MAPK6: variants seen among roughly 807,000 people sequenced by gnomAD.
The protein encoded by MAPK6 is mitogen-activated protein kinase 6, also known as ERK-3.
A neutral mutation model predicts 59.3 loss-of-function variants in MAPK6; 19 were observed. The observed-to-expected ratio is 0.32, with a 90% CI of 0.22 to 0.47. The LOEUF is 0.47. Ranked by LOEUF, MAPK6 falls within the 20% of genes least tolerant of loss-of-function variation. The pLI, the probability that MAPK6 is intolerant of heterozygous loss-of-function variation, is 1.00. For missense variants in MAPK6, 724 were observed against 847.9 expected, an observed-to-expected ratio of 0.85 and a Z score of 1.81; for synonymous variants, 316 against 290.3, an observed-to-expected ratio of 1.09 and a Z score of -0.90.
At chr15:51,976,169 G>C (rs745904724) in intron 1 of MAPK6, among the ~76,000 whole-genome samples, 1 of 151,130 alleles carries the variant, frequency 6.6e-6, no homozygotes, top group Non-Finnish European at 1.5e-5. Context: ...GGGAGGCTGA[G>C]GCAGAAGAAT....
intron 3 of MAPK6, among the ~76,000 whole-genome samples, chr15:52,052,910 AGT>A (rs1347299292): frequency 1.3e-5 from 2 of 152,162 alleles, no homozygotes; most frequent in Non-Finnish European, 2.9e-5. Context: ...TATACCTAGG[AGT>A]GGAATTGCTG....
In MAPK6 at chr15:52,046,484, C is replaced by T. The variant is rs776077924; in HGVS notation, c.24C>T (p.Leu8=). 6.2e-6 allele frequency: 10 copies of T among 1,606,346 alleles called. No individual in the cohort carries two copies. The highest frequency in any genetic ancestry group is 5.6e-5 in the South Asian group (5 of 89,546). Residue 8 remains leucine, a synonymous_variant, in exon 2 of 6, where the codon CTC becomes CTT. Coordinates refer to ENST00000261845, the MANE Select transcript of MAPK6 (RefSeq NM_002748.4). The stretch of plus-strand genomic sequence containing the variant: ...AAATGGCAGAGAAATTTGAAAGTCT[C>T]ATGAACATTCATGGTTTTGATCTGG... The part of the protein sequence containing the change: MAEKFES[L]MNIHGFDLGS...
intron 2 of MAPK6, among the ~76,000 whole-genome samples, chr15:52,048,738 G>A (rs947239067): frequency 1.3e-5 from 2 of 152,172 alleles, no homozygotes; most frequent in African/African-American, 4.8e-5. Flanking sequence ...AGACCAACCT[G>A]CGCAGTGGCT....
At chr15:52,007,969 C>A (rs2029947611) in intron 3 of MAPK6, among the ~76,000 whole-genome samples, 1 of 151,890 alleles carries the variant, frequency 6.6e-6, no homozygotes, top group Non-Finnish European at 1.5e-5. Context: ...GCCTCAGCCT[C>A]CAAAGTAGCT....
chr15:51,997,312 C>T (rs553500148), intron 2 of MAPK6, among the ~76,000 whole-genome samples: 1 of 149,288 alleles, frequency 6.7e-6, no homozygotes, highest in South Asian at 2.1e-4. Context: ...TGCTTTGTCA[C>T]CTAGGATGGA....
chr15:52,054,520 T>C (rs535254383), intron 3 of MAPK6, among the ~76,000 whole-genome samples: 3 of 152,302 alleles, frequency 2.0e-5, no homozygotes, highest in South Asian at 4.1e-4. Flanking sequence ...ATGTAAAATA[T>C]CTTTTTGTGA....
At chr15:52,020,070 C>T (rs2030459563) in intron 1 of MAPK6, 1 of 152,308 alleles carries the variant, frequency 6.6e-6, no homozygotes, top group Non-Finnish European at 1.5e-5. Context: ...TAATTTCCTC[C>T]CTCGGCCCTA....
At chr15:51,988,103 TGAA>T (rs1258834048) in intron 2 of MAPK6, among the ~76,000 whole-genome samples, 2 of 152,070 alleles carry the variant, frequency 1.3e-5, no homozygotes, top group African/African-American at 4.8e-5. Flanking sequence ...TGTGTAAGGA[TGAA>T]GTTTATGTTT....
chr15:52,023,786 A>AT lies in MAPK6; in HGVS notation c.-632+4418dup, dbSNP rs981104279. On this transcript the variant is annotated intron_variant, in intron 1 of 5. Transcript: ENST00000261845. ...ACCACCATGACCAGCTAATTTTTGT[A>AT]TTTTTTTTAGTACAGACAGGGTTTC... Among the ~76,000 whole-genome samples the AT allele has an allele frequency of 1.6e-3, 236 of 151,742 alleles. 2 individuals carry two copies. The highest frequency in any genetic ancestry group is 4.6e-3 in the African/African-American group (189 of 41,388).
At chr15:52,035,623 T>C (rs1329990130) in intron 1 of MAPK6, 1 of 126,750 alleles carries the variant, frequency 7.9e-6, no homozygotes, top group Non-Finnish European at 1.7e-5. Flanking sequence ...GACACCATCT[T>C]AAAAAAAAAA....
At chr15:52,025,204 G>C (rs1447461407) in intron 1 of MAPK6, among the ~76,000 whole-genome samples, 1 of 152,024 alleles carries the variant, frequency 6.6e-6, no homozygotes, top group Non-Finnish European at 1.5e-5. Flanking sequence ...TCGCACCGCA[G>C]CGTTCCAGCC....
At chr15:51,999,303 T>C (rs1246244902) in intron 2 of MAPK6, among the ~76,000 whole-genome samples, 1 of 152,128 alleles carries the variant, frequency 6.6e-6, no homozygotes, top group Non-Finnish European at 1.5e-5. Context: ...CCAGCCTCCA[T>C]TTTTAACATT....
rs879440180 is a variant in MAPK6 at position 51,976,997 on chromosome 15, TA to T, written c.-880+5092del. The stretch of plus-strand genomic sequence containing the variant: ...GAAGGAAAATTATCCATCCTAGAAT[TA>T]TTATTATTATTTTTGGGGGAAGGGG... On this transcript the variant is annotated intron_variant, in intron 1 of 7. Transcript: ENST00000691380. 1.3e-4 allele frequency among the ~76,000 whole-genome samples: 19 copies of T among 151,514 alleles called. No homozygotes were observed. In the Middle Eastern group the frequency reaches 0.01, roughly 82 times the overall value.
At position 52,004,942 on chromosome 15, in the gene MAPK6, T is replaced by C. The variant is rs558554604; in HGVS notation, c.-632+540T>C. On this transcript the variant is annotated intron_variant, in intron 3 of 7. Coordinates refer to the MAPK6 transcript ENST00000691380. The stretch of plus-strand genomic sequence containing the variant: ...GGCTGAGCGTGGAAGGGACTCCTGC[T>C]TTCTGTGGAGAGATGCAGGCAGAGA... Among the ~76,000 whole-genome samples, 33 of 152,326 alleles carry C rather than the reference T, an allele frequency of 2.2e-4. No individual in the cohort carries two copies. The South Asian group carries it at 6.8e-3, about 32-fold the overall frequency.
intron 1 of MAPK6, among the ~76,000 whole-genome samples, chr15:51,972,912 G>A (rs538835477): frequency 1.3e-5 from 2 of 151,792 alleles, no homozygotes; most frequent in Non-Finnish European, 2.9e-5. Flanking sequence ...AGGAAACTGA[G>A]AATGGAGGAT....
chr15:52,010,541 C>CA (rs1354600477), intron 3 of MAPK6, among the ~76,000 whole-genome samples: 1 of 97,652 alleles, frequency 1.0e-5, no homozygotes, highest in African/African-American at 4.2e-5. Context: ...TTTTTTGAGA[C>CA]AGAGTTTCAC....
intron 3 of MAPK6, 61 bp from the exon 4 acceptor site, chr15:52,058,572 G>C (rs898712181): frequency 1.2e-5 from 16 of 1,380,488 alleles, no homozygotes; most frequent in South Asian, 1.0e-4. Flanking sequence ...AGTTTAGTAT[G>C]TTTATTGTGA....
intron 5 of MAPK6, among the ~76,000 whole-genome samples, chr15:52,062,067 A>AT (rs59641315): frequency 0.03 from 4,115 of 137,478 alleles, 120 homozygotes; most frequent in African/African-American, 0.063. Flanking sequence ...TAGATGCAGG[A>AT]TTTTTTTTTT....
chr15:52,035,259 C>T (rs915175672), intron 1 of MAPK6, among the ~76,000 whole-genome samples: 4 of 152,198 alleles, frequency 2.6e-5, no homozygotes, highest in Non-Finnish European at 4.4e-5. Flanking sequence ...CAGAGAGGGC[C>T]GCTGCCTTGA....
Sources: gnomAD v4.1 joint callset for allele counts (sites outside exome capture counted in the v4.1 genomes callset) on GRCh38, gnomAD v4.1.1 for gene constraint, MANE v1.5 for transcripts, NCBI Gene and HGNC (gene_info 2026-07-23, HGNC 2026-07-21) for gene names.